The following CHD9 variants were observed in gnomAD, a reference collection of about 807,000 sequenced individuals.
CHD9 encodes chromodomain helicase DNA binding protein 9.
Under a neutral mutation model 316.1 loss-of-function variants are expected in CHD9, and 77 were observed. The ratio of observed to expected loss-of-function variants is 0.24; its 90% CI spans 0.20 to 0.29. The LOEUF is 0.29. CHD9 is among the 10% of genes least tolerant of loss of function. CHD9 has a pLI of 1.00. For synonymous variants in CHD9, 1,129 were observed against 1,158.3 expected, an observed-to-expected ratio of 0.97 and a Z score of 0.51; for missense variants, 2,763 against 3,438.1, an observed-to-expected ratio of 0.80 and a Z score of 4.91.
chr16:53,185,299 T>A (rs751887126), intron 2 of CHD9, among the ~76,000 whole-genome samples: 2 of 152,142 alleles, frequency 1.3e-5, no homozygotes, highest in Non-Finnish European at 2.9e-5. Flanking sequence ...TGGTCTCAGA[T>A]GGAGATGGGC....
chr16:53,161,955 T>C (rs957549591), intron 2 of CHD9, among the ~76,000 whole-genome samples: 5 of 152,168 alleles, frequency 3.3e-5, no homozygotes, highest in East Asian at 1.9e-4. Flanking sequence ...GGTTTTGCCA[T>C]GTTGGCCAGC....
At chr16:53,077,194 G>A (rs538536212) in intron 1 of CHD9, among the ~76,000 whole-genome samples, 5 of 152,108 alleles carry the variant, frequency 3.3e-5, no homozygotes, top group African/African-American at 9.6e-5. Context: ...TCCCATGTTG[G>A]CCAGTCTGGT....
At chr16:53,139,440 A>G (rs2039946493) in intron 1 of CHD9, among the ~76,000 whole-genome samples, 1 of 152,232 alleles carries the variant, frequency 6.6e-6, no homozygotes, top group African/African-American at 2.4e-5. Context: ...AATTGAACCA[A>G]GGACTGGCAA....
chr16:53,113,753 T>G (rs1166098550), intron 1 of CHD9, among the ~76,000 whole-genome samples: 1 of 151,888 alleles, frequency 6.6e-6, no homozygotes, highest in Non-Finnish European at 1.5e-5. Flanking sequence ...AAATCTGGAG[T>G]GTAGCGGCAC....
At chr16:53,232,038 A>C (rs1292269736) in intron 10 of CHD9, among the ~76,000 whole-genome samples, 2 of 152,120 alleles carry the variant, frequency 1.3e-5, no homozygotes, top group Non-Finnish European at 2.9e-5. Flanking sequence ...AGAGAAGGAA[A>C]TGAATTAAAT....
intron 2 of CHD9, among the ~76,000 whole-genome samples, chr16:53,167,991 A>T (rs935845245): frequency 6.6e-6 from 1 of 152,118 alleles, no homozygotes; most frequent in African/African-American, 2.4e-5. Flanking sequence ...AGTAATTTTT[A>T]AAAATAATAT....
At chr16:53,187,078 A>G (rs2044081966) in intron 2 of CHD9, among the ~76,000 whole-genome samples, 1 of 152,230 alleles carries the variant, frequency 6.6e-6, no homozygotes, top group African/African-American at 2.4e-5. Context: ...CAGAGTTAAT[A>G]ATGACTAGGT....
chr16:53,196,776 G>T (rs748125177), intron 2 of CHD9, among the ~76,000 whole-genome samples: 18 of 152,226 alleles, frequency 1.2e-4, no homozygotes, highest in Non-Finnish European at 2.5e-4. Flanking sequence ...GCACTTTTCT[G>T]TAAATTGTAG....
At chr16:53,061,860 G>C (rs4985188) in intron 1 of CHD9, among the ~76,000 whole-genome samples, 41,911 of 152,210 alleles carry the variant, frequency 0.28, 7,266 homozygotes, top group Non-Finnish European at 0.39. Flanking sequence ...CTCCAACAAA[G>C]TGTTTCTGAC....
At chr16:53,195,342 A>G (rs562866088) in intron 2 of CHD9, among the ~76,000 whole-genome samples, 20 of 152,358 alleles carry the variant, frequency 1.3e-4, no homozygotes, top group African/African-American at 4.6e-4. Flanking sequence ...GGAATTGTTC[A>G]ATCATTGGGT....
chr16:53,091,559 C>A (rs900838713), intron 1 of CHD9, among the ~76,000 whole-genome samples: 3 of 152,206 alleles, frequency 2.0e-5, no homozygotes, highest in Non-Finnish European at 4.4e-5. Context: ...CCAAATTAGA[C>A]CCCTGCCGTA....
Position 53,296,048 on chromosome 16 carries a change from C to G in CHD9, c.5511-908C>G, listed in dbSNP as rs529173742. Among the ~76,000 whole-genome samples the G allele has an allele frequency of 2.6e-5, 4 of 152,268 alleles. No individual in the cohort carries two copies. In the South Asian group the frequency reaches 6.2e-4, roughly 24 times the overall value. Reference sequence around the variant, plus strand: ...CATCTTTCCCCTCCAATATGGACCACTCCCTCTTTGCTTACTCTGTGCTTT... The same window carrying G: ...CATCTTTCCCCTCCAATATGGACCAGTCCCTCTTTGCTTACTCTGTGCTTT... On this transcript the variant is annotated intron_variant, in intron 29 of 38. Transcript: ENST00000447540.
At chr16:53,317,315 A>C (rs576655555) in intron 36 of CHD9, among the ~76,000 whole-genome samples, 10 of 152,216 alleles carry the variant, frequency 6.6e-5, no homozygotes, top group Non-Finnish European at 1.3e-4. Context: ...GGTTCAGGCC[A>C]TGATGGGACT....
chr16:53,318,356 T>C lies in CHD9; in HGVS notation c.7713+16T>C. 1.9e-6 allele frequency: 3 copies of C among 1,574,960 alleles called. No homozygotes were observed. The highest frequency in any genetic ancestry group is 2.6e-6 in the Non-Finnish European group (3 of 1,158,862). Reference sequence around the variant, plus strand: ...TGCTAGAAAGGTATTTTAATGTTTTTTTCTTAATCTTTTGTATTGATTCAA... The same window carrying C: ...TGCTAGAAAGGTATTTTAATGTTTTCTTCTTAATCTTTTGTATTGATTCAA... On this transcript the variant is annotated intron_variant, in intron 37 of 38. Coordinates refer to ENST00000447540, the MANE Select transcript of CHD9 (RefSeq NM_001308319.2).
rs1394708508 is a variant in CHD9 at position 53,238,570 on chromosome 16, A to G, written c.2861A>G (p.Tyr954Cys). 5 of 1,613,178 alleles carry G rather than the reference A, an allele frequency of 3.1e-6. No homozygotes were observed. Among genetic ancestry groups the G allele is most frequent in the Non-Finnish European group, 4.2e-6 (5 of 1,179,418 alleles). ...SRQMIQQYEM[Y>C]FRDSQGRIIR... ...CAAATGATACAGCAATACGAGATGT[A>G]CTTCAGGGATTCACAGGTGTGTTAT... The change falls in exon 12 of 39, where the codon TAC (tyrosine) becomes TGC (cysteine). Residue 954 changes from tyrosine to cysteine, a missense_variant. Physicochemically the swap from Tyr to Cys is radical, Grantham distance 194. This residue lies in a region of CHD9 where 186 missense variants were observed against 245.0 expected (regional missense o/e 0.76). Transcript: ENST00000447540.
At chr16:53,171,855 C>CAG (rs1221557279) in intron 2 of CHD9, among the ~76,000 whole-genome samples, 1 of 51,702 alleles carries the variant, frequency 1.9e-5, no homozygotes, top group African/African-American at 8.5e-5. Context: ...CACACACACA[C>CAG]ACACAGACAC....
chr16:53,250,563 A>C lies in CHD9; in HGVS notation c.3861+497A>C, dbSNP rs141928886. On this transcript the variant is annotated intron_variant, in intron 17 of 38. Coordinates refer to ENST00000447540, the MANE Select transcript of CHD9 (RefSeq NM_001308319.2). ...AATAAAATTAAAATTTCAGAATTTTAATCCTTAAAAATAAGTACTCGCTTA... is the reference window on the plus strand; with the variant it reads ...AATAAAATTAAAATTTCAGAATTTTCATCCTTAAAAATAAGTACTCGCTTA... 4.8e-3 allele frequency: 735 copies of C among 152,546 alleles called. 4 individuals carry two copies. Among genetic ancestry groups the C allele is most frequent in the Non-Finnish European group, 4.9e-3 (336 of 68,216 alleles). The allele number at this position is 152,546 out of a possible 1,614,324, so 9.4% of individuals were successfully genotyped here. A position where few individuals can be genotyped will look rare whatever the true frequency, so the allele number is the denominator to read the frequency against.
At chr16:53,144,174 C>T (rs1307383888) in intron 1 of CHD9, among the ~76,000 whole-genome samples, 5 of 152,030 alleles carry the variant, frequency 3.3e-5, no homozygotes, top group African/African-American at 1.2e-4. Context: ...AAGCTTATGT[C>T]TGTGTTTTGG....
At position 53,222,742 on chromosome 16, in the gene CHD9, A is replaced by T; in HGVS notation, c.1883A>T (p.Asp628Val). The T allele has an allele frequency of 6.6e-7, 1 of 1,512,900 alleles. No individual in the cohort carries two copies. The highest frequency in any genetic ancestry group is 9.1e-7 in the Non-Finnish European group (1 of 1,104,568). 93.7% of individuals were successfully genotyped at this position (1,512,900 alleles called of 1,614,324 possible). A position where few individuals can be genotyped will look rare whatever the true frequency, so the allele number is the denominator to read the frequency against. Residue 628 changes from aspartate to valine, a missense_variant, in exon 4 of 39, where the codon GAT (aspartate) becomes GTT (valine). Asp to Val is a radical substitution (Grantham distance 152). This residue lies in a region of CHD9 where 859 missense variants were observed against 890.4 expected (regional missense o/e 0.96). Transcript: ENST00000447540. ...AEQMPQHTLK[D>V]QDSQKRRSNR... Reference sequence around the variant, plus strand: ...CAGATGCCACAGCATACATTAAAAGATCAAGACTCTCAAGTGAGTATTACA... The same window carrying T: ...CAGATGCCACAGCATACATTAAAAGTTCAAGACTCTCAAGTGAGTATTACA...
Sources: allele counts gnomAD v4.1 joint callset (sites outside exome capture counted in the v4.1 genomes callset), GRCh38; gene constraint gnomAD v4.1.1; regional missense constraint gnomAD v4.1.1; transcripts MANE v1.5; gene names NCBI Gene and HGNC (gene_info 2026-07-23, HGNC 2026-07-21).